The following PCCA variants were observed in gnomAD, a reference collection of about 807,000 sequenced individuals.
PCCA encodes the protein propionyl-CoA carboxylase alpha chain, mitochondrial.
PCCA carries 74 observed loss-of-function variants against 101.3 expected under a neutral mutation model. The observed-to-expected ratio is 0.73, with a 90% CI of 0.61 to 0.89. The LOEUF (loss-of-function observed/expected upper bound fraction) is 0.89. Among genes scored for constraint, PCCA ranks in the 40% least tolerant of loss-of-function variants. The probability of loss-of-function intolerance (pLI) is 0.00; values close to 1 mark genes in which losing one functional copy is unlikely to be tolerated. For missense variants in PCCA, 891 were observed against 907.0 expected (o/e 0.98, Z 0.23); for synonymous variants, 294 against 313.6 (o/e 0.94, Z 0.66).
intron 8 of PCCA, among the ~76,000 whole-genome samples, chr13:100,247,639 G>A (rs1277295440): frequency 1.3e-5 from 2 of 149,706 alleles, no homozygotes; most frequent in Admixed American, 6.7e-5. Flanking sequence ...TCAGCCTCCC[G>A]AGTAGCTGTG....
At chr13:100,304,344 G>A (rs1212285436) in intron 14 of PCCA, among the ~76,000 whole-genome samples, 1 of 152,230 alleles carries the variant, frequency 6.6e-6, no homozygotes, top group Non-Finnish European at 1.5e-5. Flanking sequence ...AAGTGATTGG[G>A]TGCAGGAGAG....
intron 19 of PCCA, among the ~76,000 whole-genome samples, chr13:100,393,023 T>C (rs1350527763): frequency 6.7e-6 from 1 of 149,234 alleles, no homozygotes; most frequent in Non-Finnish European, 1.5e-5. Flanking sequence ...TTTACTAAGG[T>C]CTTCTGCCAT....
chr13:100,435,906 G>A (rs1270900109), intron 20 of PCCA, among the ~76,000 whole-genome samples: 2 of 152,084 alleles, frequency 1.3e-5, no homozygotes, highest in Non-Finnish European at 2.9e-5. Context: ...AGCCTAGTGT[G>A]GTGGTGCATG....
chr13:100,235,789 A>G (rs1185846956), intron 7 of PCCA, 53 bp from the exon 8 acceptor site: 27 of 1,278,542 alleles, frequency 2.1e-5, no homozygotes, highest in Admixed American at 1.2e-4. Context: ...CCCTAAAGAC[A>G]TTGTGCAATG....
intron 21 of PCCA, among the ~76,000 whole-genome samples, chr13:100,506,874 C>CT (rs1231192645): frequency 8.5e-5 from 13 of 152,194 alleles, no homozygotes; most frequent in Non-Finnish European, 1.6e-4. Context: ...ATTTCCTTTA[C>CT]TTTTCTGTAA....
intron 21 of PCCA, chr13:100,491,458 G>A (rs1338128094): frequency 3.7e-6 from 1 of 269,758 alleles, no homozygotes; most frequent in Non-Finnish European, 7.5e-6. Context: ...AACTTTGTTT[G>A]TATGCCCCTA....
chr13:100,453,258 T>G (rs192934351), intron 21 of PCCA, among the ~76,000 whole-genome samples: 13 of 152,008 alleles, frequency 8.6e-5, no homozygotes, highest in Admixed American at 8.5e-4. Context: ...TCCCAGCGCT[T>G]TGGGAGGCTG....
intron 8 of PCCA, among the ~76,000 whole-genome samples, chr13:100,248,896 G>A (rs974674955): frequency 3.3e-5 from 5 of 151,624 alleles, no homozygotes; most frequent in Admixed American, 6.6e-5. Context: ...ATGGGCACCC[G>A]CCACCACGCC....
At chr13:100,231,960 A>ACACT (rs1483650267) in intron 7 of PCCA, among the ~76,000 whole-genome samples, 1 of 152,164 alleles carries the variant, frequency 6.6e-6, no homozygotes. Context: ...TTTCTGTCTT[A>ACACT]ATGTAGGTAA....
chr13:100,112,115 A>G, intron 4 of PCCA, 54 bp downstream of exon 4: 2 of 1,293,546 alleles, frequency 1.5e-6, no homozygotes, highest in South Asian at 2.4e-5. Context: ...GTCAAGCAGA[A>G]AAAGTGAGAC....
chr13:100,152,667 C>T (rs1258875496), intron 4 of PCCA, among the ~76,000 whole-genome samples: 3 of 151,982 alleles, frequency 2.0e-5, no homozygotes, highest in Non-Finnish European at 1.5e-5. Flanking sequence ...AGGATGGTCT[C>T]GGTCTCCTGA....
intron 7 of PCCA, among the ~76,000 whole-genome samples, chr13:100,210,521 T>C (rs2059148781): frequency 6.6e-6 from 1 of 152,230 alleles, no homozygotes. Context: ...GTTAGGATCA[T>C]GTTTCTGGTG....
At chr13:100,286,028 C>G (rs1365291791) in intron 12 of PCCA, among the ~76,000 whole-genome samples, 1 of 152,100 alleles carries the variant, frequency 6.6e-6, no homozygotes, top group Admixed American at 6.5e-5. Flanking sequence ...TCTACAAGCT[C>G]TAATTTTAAT....
At chr13:100,209,016 C>T (rs1443304089) in intron 6 of PCCA, among the ~76,000 whole-genome samples, 1 of 152,102 alleles carries the variant, frequency 6.6e-6, no homozygotes, top group African/African-American at 2.4e-5. Context: ...TACGGGTGAC[C>T]TTACTGGCTA....
intron 6 of PCCA, among the ~76,000 whole-genome samples, chr13:100,174,859 A>G (rs1387436253): frequency 1.3e-5 from 2 of 152,018 alleles, no homozygotes; most frequent in African/African-American, 2.4e-5. Context: ...TGGAAAAACT[A>G]TTGTCACACA....
intron 1 of PCCA, among the ~76,000 whole-genome samples, chr13:100,101,374 T>C (rs1312201949): frequency 6.6e-6 from 1 of 152,184 alleles, no homozygotes; most frequent in African/African-American, 2.4e-5. Context: ...GGGACTCAAC[T>C]TTGTCATAAA....
intron 22 of PCCA, among the ~76,000 whole-genome samples, chr13:100,521,630 T>C (rs1170189378): frequency 6.7e-6 from 1 of 149,730 alleles, no homozygotes; most frequent in Non-Finnish European, 1.5e-5. Flanking sequence ...TTGCTATTAA[T>C]ATAATCAGAT....
At chr13:100,107,559 A>T (rs1173452244) in intron 2 of PCCA, among the ~76,000 whole-genome samples, 1 of 152,170 alleles carries the variant, frequency 6.6e-6, no homozygotes, top group African/African-American at 2.4e-5. Context: ...GTTATTAATA[A>T]CATAGTGTTT....
chr13:100,499,428 T>C (rs2085509849), intron 21 of PCCA, among the ~76,000 whole-genome samples: 1 of 152,256 alleles, frequency 6.6e-6, no homozygotes, highest in Non-Finnish European at 1.5e-5. Flanking sequence ...AGAGAAACTT[T>C]TGCAATTATT....
Sources: gnomAD v4.1 joint callset for allele counts (sites outside exome capture counted in the v4.1 genomes callset) on GRCh38, gnomAD v4.1.1 for gene constraint, MANE v1.5 for transcripts, NCBI Gene and HGNC (gene_info 2026-07-23, HGNC 2026-07-21) for gene names.